The following SLC25A29 variants were observed in gnomAD, a reference collection of about 807,000 sequenced individuals.
SLC25A29 encodes the protein mitochondrial basic amino acids transporter.
A neutral mutation model predicts 10.0 loss-of-function variants in SLC25A29; 13 were observed. That is an observed-to-expected ratio of 1.30 (90% CI 0.85 to 2.07). The LOEUF (loss-of-function observed/expected upper bound fraction) is 2.07, where lower values mean the gene tolerates loss of function less well. Ranked by LOEUF, SLC25A29 falls within the 30% of genes most tolerant of loss-of-function variation. The pLI is 0.00. For synonymous variants in SLC25A29, 244 were observed against 221.1 expected, an observed-to-expected ratio of 1.10 and a Z score of -0.92; for missense variants, 475 against 447.6, an observed-to-expected ratio of 1.06 and a Z score of -0.55.
chr14:100,294,524 G>C (rs1482744604), intron 2 of SLC25A29: 1 of 152,242 alleles, frequency 6.6e-6, no homozygotes, highest in East Asian at 1.9e-4. Flanking sequence ...ATGGGACAGG[G>C]GAGGGCTTCA....
chr14:100,292,572 T>C lies in SLC25A29; in HGVS notation c.623A>G (p.Tyr208Cys). 1.9e-6 allele frequency: 3 copies of C among 1,603,106 alleles called. No individual in the cohort carries two copies. The highest frequency in any genetic ancestry group is 2.6e-6 in the Non-Finnish European group (3 of 1,175,874). Residue 208 changes from tyrosine to cysteine, a missense_variant, in exon 4 of 4, where the codon TAT (tyrosine) becomes TGT (cysteine). Physicochemically the swap from Tyr to Cys is radical, Grantham distance 194. Coordinates refer to ENST00000359232, the MANE Select transcript of SLC25A29 (RefSeq NM_001039355.3). ...CCGCGACTTGACCACGTCCACAGGA[T>C]AGGTAGAGAGCCAGGACACGATGCC... ...TSGIVSWLST[Y>C]PVDVVKSRLQ...
At chr14:100,294,820 ATC>A (rs1892026299) in intron 2 of SLC25A29, 1 of 152,294 alleles carries the variant, frequency 6.6e-6, no homozygotes, top group South Asian at 2.1e-4. Flanking sequence ...AACAAGTACC[ATC>A]TCAGTACCCC....
chr14:100,305,608 C>T (rs1892874926), intron 1 of SLC25A29: 1 of 152,034 alleles, frequency 6.6e-6, no homozygotes, highest in Admixed American at 6.5e-5. Flanking sequence ...AGGTGCCCCA[C>T]ACCGGCTCGC....
At chr14:100,282,180 A>T in the SLC25A29 span, 2 of 152,136 alleles carry the variant, frequency 1.3e-5, no homozygotes, top group African/African-American at 4.8e-5. Context: ...AGCATTCTGG[A>T]TGTCAGAGGA....
the SLC25A29 span, chr14:100,279,953 C>G: frequency 6.6e-6 from 1 of 152,300 alleles, no homozygotes; most frequent in Non-Finnish European, 1.5e-5. Flanking sequence ...CTTGGGGGTG[C>G]CTTTGGTCAT....
intron 2 of SLC25A29, chr14:100,298,342 C>G (rs1892310041): frequency 6.2e-6 from 1 of 160,006 alleles, no homozygotes; most frequent in Non-Finnish European, 1.4e-5. Flanking sequence ...GTCTGAGAAC[C>G]TGGAACTCCG....
chr14:100,289,619 G>T (rs1322703369), downstream of SLC25A29, among the ~76,000 whole-genome samples: 1 of 152,090 alleles, frequency 6.6e-6, no homozygotes, highest in Non-Finnish European at 1.5e-5. Flanking sequence ...GAGGCGGGTG[G>T]ATCACTTGAG....
chr14:100,284,504 C>G, the SLC25A29 span, among the ~76,000 whole-genome samples: 1 of 152,158 alleles, frequency 6.6e-6, no homozygotes, highest in Non-Finnish European at 1.5e-5. Context: ...AAATCCAGTC[C>G]CGCCGACCCT....
Position 100,306,291 on chromosome 14 carries a change from G to A in SLC25A29, c.-59C>T, listed in dbSNP as rs1222806316. ...CGTCCTCCCCCTGAGGCCCCTCGCC[G>A]GGCTGGGCGCCGTCGGGGTCCCCGA... On this transcript the variant is annotated 5_prime_UTR_variant, in exon 1 of 4. Transcript: ENST00000359232. 2 of 1,335,966 alleles carry A rather than the reference G, an allele frequency of 1.5e-6. No homozygotes were observed. Among genetic ancestry groups the A allele is most frequent in the Non-Finnish European group, 1.9e-6 (2 of 1,046,000 alleles). 82.8% of individuals were successfully genotyped at this position (1,335,966 alleles called of 1,614,324 possible).
At position 100,292,522 on chromosome 14, in the gene SLC25A29, C is replaced by T. The variant is rs1462660253; in HGVS notation, c.673G>A (p.Ala225Thr). Residue 225 changes from alanine (A) to threonine (T), a missense_variant, in exon 4 of 4, where the codon GCC (alanine) becomes ACC (threonine). Ala to Thr is a moderately conservative substitution (Grantham distance 58). Transcript: ENST00000359232. ...TCCAGGATGCCGCGGTAGCGCGGGG[C>T]GCCCCGCAGTCCGTCCGCCTGCAGC... is the stretch of plus-strand genomic sequence containing the variant. ...SRLQADGLRG[A>T]PRYRGILDCV... 7 of 1,590,816 alleles carry T rather than the reference C, an allele frequency of 4.4e-6. No homozygotes were observed. The highest frequency in any genetic ancestry group is 1.3e-5 in the African/African-American group (1 of 74,462).
the SLC25A29 span, among the ~76,000 whole-genome samples, chr14:100,283,922 C>A: frequency 6.6e-6 from 1 of 152,034 alleles, no homozygotes; most frequent in Non-Finnish European, 1.5e-5. Flanking sequence ...CTTGCTATCA[C>A]CTAGGCCGGA....
intron 2 of SLC25A29, chr14:100,296,452 C>T (rs1595360752): frequency 5.6e-6 from 1 of 177,456 alleles, no homozygotes; most frequent in Non-Finnish European, 1.2e-5. Flanking sequence ...GAAGTTAGGC[C>T]AGTGGAAGCC....
intron 1 of SLC25A29, 88 bp downstream of exon 1, chr14:100,306,111 G>A: frequency 4.9e-6 from 5 of 1,013,256 alleles, no homozygotes; most frequent in Non-Finnish European, 6.7e-6. Flanking sequence ...CCCGCCAGCG[G>A]GAAGCCGCGA....
chr14:100,279,093 T>C, the SLC25A29 span: 12 of 152,376 alleles, frequency 7.9e-5, no homozygotes, highest in East Asian at 1.7e-3. Context: ...TTCTGCTCAA[T>C]GAGTACCTCT....
the SLC25A29 span, among the ~76,000 whole-genome samples, chr14:100,285,207 C>T: frequency 6.6e-6 from 1 of 152,066 alleles, no homozygotes; most frequent in African/African-American, 2.4e-5. Flanking sequence ...TAGCCCCTGC[C>T]CGCCTGGCCT....
At chr14:100,303,364 T>G (rs1258713825) in intron 1 of SLC25A29, among the ~76,000 whole-genome samples, 1 of 152,128 alleles carries the variant, frequency 6.6e-6, no homozygotes, top group Non-Finnish European at 1.5e-5. Flanking sequence ...TTCCTGTGGG[T>G]GCATGGTCAC....
chr14:100,292,850 C>T lies in SLC25A29; in HGVS notation c.345G>A (p.Leu115=), dbSNP rs1164787333. The stretch of plus-strand genomic sequence containing the variant: ...CCTGCAGCTGCAGCCGCGTCTTGGC[C>T]AGCTCCATGGGGCAGCAGATGACGC... ...IQCVICCPME[L]AKTRLQLQDA... The change falls in exon 4 of 4, where the codon CTG becomes CTA. Residue 115 remains leucine, a synonymous_variant. Coordinates refer to ENST00000359232, the MANE Select transcript of SLC25A29 (RefSeq NM_001039355.3). 6.3e-7 allele frequency: 1 copy of T among 1,597,488 alleles called. No individual in the cohort carries two copies. Among genetic ancestry groups the T allele is most frequent in the Non-Finnish European group, 8.5e-7 (1 of 1,173,960 alleles).
At chr14:100,296,887 TA>T (rs1404722875) in intron 2 of SLC25A29, among the ~76,000 whole-genome samples, 2 of 152,020 alleles carry the variant, frequency 1.3e-5, no homozygotes, top group South Asian at 4.2e-4. Context: ...CATGAGCCAC[TA>T]GCCTGGCCAG....
chr14:100,306,158 G>C lies in SLC25A29; in HGVS notation c.34+41C>G, dbSNP rs887979691. On this transcript the variant is annotated intron_variant, in intron 1 of 3. Transcript: ENST00000359232. ...GCTGGTGGGCCGACCTCCCTCCCCG[G>C]ACGCCTCGCCCCGGCCCGGCCCGGC... The C allele has an allele frequency of 9.8e-5, 137 of 1,403,560 alleles. 1 individual carries two copies. Among genetic ancestry groups the C allele is most frequent in the Non-Finnish European group, 1.2e-4 (131 of 1,069,988 alleles). The allele number at this position is 1,403,560 out of a possible 1,614,324, so 86.9% of individuals were successfully genotyped here.
Sources: gnomAD v4.1 joint callset for allele counts (sites outside exome capture counted in the v4.1 genomes callset) on GRCh38, gnomAD v4.1.1 for gene constraint, MANE v1.5 for transcripts, NCBI Gene and HGNC (gene_info 2026-07-23, HGNC 2026-07-21) for gene names.